The following PKNOX2 variants were observed in gnomAD, a reference collection of about 807,000 sequenced individuals.
The protein encoded by PKNOX2 is homeobox protein PKNOX2.
In PKNOX2, 14 loss-of-function variants were observed where a neutral mutation model predicts 53.1. That is an observed-to-expected ratio of 0.26 (90% CI 0.17 to 0.41). The LOEUF is 0.41. Among genes scored for constraint, PKNOX2 ranks in the 10% least tolerant of loss-of-function variants. PKNOX2 has a pLI of 1.00. For synonymous variants in PKNOX2, 257 were observed against 242.8 expected, an observed-to-expected ratio of 1.06 and a Z score of -0.54; for missense variants, 496 against 602.8, an observed-to-expected ratio of 0.82 and a Z score of 1.85.
intron 3 of PKNOX2, among the ~76,000 whole-genome samples, chr11:125,335,177 A>G (rs768745149): frequency 1.9e-4 from 29 of 152,106 alleles, no homozygotes; most frequent in Non-Finnish European, 4.0e-4. Flanking sequence ...GCCTCCCCTC[A>G]AAGTCAAGCC....
chr11:125,390,413 A>G (rs1227102920), intron 6 of PKNOX2, among the ~76,000 whole-genome samples: 3 of 152,324 alleles, frequency 2.0e-5, no homozygotes, highest in Admixed American at 6.5e-5. Context: ...TCTCTGGGCC[A>G]GGTCTTGTTT....
Position 125,343,191 on chromosome 11 carries a change from G to A in PKNOX2, c.-22-8093G>A, listed in dbSNP as rs897479842. On this transcript the variant is annotated intron_variant, in intron 3 of 12. Coordinates refer to ENST00000298282, the MANE Select transcript of PKNOX2 (RefSeq NM_001382323.2). ...TAAGTTGAACATCACTGGCAAAAGCGGGACCCAGGTGTGGTGAGTGTGAGT... is the reference window on the plus strand; with the variant it reads ...TAAGTTGAACATCACTGGCAAAAGCAGGACCCAGGTGTGGTGAGTGTGAGT... Among the ~76,000 whole-genome samples the A allele has an allele frequency of 9.2e-5, 14 of 152,150 alleles. No homozygotes were observed. The South Asian group carries it at 1.0e-3, about 11-fold the overall frequency.
chr11:125,413,558 T>C (rs1955692006), intron 10 of PKNOX2, among the ~76,000 whole-genome samples: 1 of 152,166 alleles, frequency 6.6e-6, no homozygotes, highest in Admixed American at 6.5e-5. Context: ...CTGCGCTCAT[T>C]GTGGTGGGTG....
chr11:125,318,332 G>C (rs1458963743), intron 2 of PKNOX2, among the ~76,000 whole-genome samples: 1 of 150,134 alleles, frequency 6.7e-6, no homozygotes, highest in Non-Finnish European at 1.5e-5. Context: ...TGTTGCCCAG[G>C]TTGGTCTCAA....
At chr11:125,222,605 C>CTGTGTGTGTGTG (rs1010713566) in intron 1 of PKNOX2, among the ~76,000 whole-genome samples, 21 of 140,676 alleles carry the variant, frequency 1.5e-4, no homozygotes, top group African/African-American at 5.2e-4. Flanking sequence ...GTGTGTGTGT[C>CTGTGTGTGTGTG]TGTGTGTATG....
At chr11:125,309,898 A>C (rs1193955197) in intron 2 of PKNOX2, among the ~76,000 whole-genome samples, 1 of 152,236 alleles carries the variant, frequency 6.6e-6, no homozygotes, top group East Asian at 1.9e-4. Context: ...TGGTTACTTC[A>C]GCATGAAACA....
At chr11:125,271,900 C>T (rs972217764) in intron 2 of PKNOX2, among the ~76,000 whole-genome samples, 1 of 152,190 alleles carries the variant, frequency 6.6e-6, no homozygotes, top group Non-Finnish European at 1.5e-5. Flanking sequence ...TGCCCACCCC[C>T]GTGACAGATG....
intron 4 of PKNOX2, among the ~76,000 whole-genome samples, chr11:125,364,243 C>T (rs771045638): frequency 6.6e-6 from 1 of 152,222 alleles, no homozygotes; most frequent in Non-Finnish European, 1.5e-5. Context: ...GGGATAAACA[C>T]TCATTCGTCA....
At chr11:125,185,558 A>G (rs1283247404) in intron 1 of PKNOX2, among the ~76,000 whole-genome samples, 3 of 151,900 alleles carry the variant, frequency 2.0e-5, no homozygotes, top group Non-Finnish European at 4.4e-5. Context: ...TTCTATCTCT[A>G]TGAATTTGAC....
chr11:125,207,831 C>T (rs1359963602), intron 1 of PKNOX2, among the ~76,000 whole-genome samples: 1 of 151,986 alleles, frequency 6.6e-6, no homozygotes, highest in African/African-American at 2.4e-5. Context: ...GAGGAGGAGG[C>T]CTCTGGTTGT....
intron 2 of PKNOX2, among the ~76,000 whole-genome samples, chr11:125,296,420 C>T (rs545785147): frequency 1.2e-4 from 18 of 152,212 alleles, no homozygotes; most frequent in African/African-American, 3.9e-4. Flanking sequence ...CACATGATCC[C>T]GCCTGGGACA....
chr11:125,277,084 G>C (rs1420347542), intron 2 of PKNOX2, among the ~76,000 whole-genome samples: 2 of 152,206 alleles, frequency 1.3e-5, no homozygotes. Context: ...AGAATTGCTA[G>C]AGTAAGTAGG....
intron 5 of PKNOX2, among the ~76,000 whole-genome samples, chr11:125,372,653 C>G (rs1264185021): frequency 1.3e-5 from 2 of 152,242 alleles, no homozygotes; most frequent in Non-Finnish European, 2.9e-5. Context: ...CCAAACTTCT[C>G]CATCTTTTCC....
chr11:125,217,937 C>A (rs1217189221), intron 1 of PKNOX2, among the ~76,000 whole-genome samples: 1 of 152,196 alleles, frequency 6.6e-6, no homozygotes, highest in African/African-American at 2.4e-5. Context: ...CTAACCTCAA[C>A]TTTCTGTTGC....
In PKNOX2 at chr11:125,398,013, TA is replaced by T. The variant is rs1565515969; in HGVS notation, c.540del (p.Tyr184ThrfsTer47). The T allele has an allele frequency of 6.2e-7, 1 of 1,613,938 alleles. No homozygotes were observed. Among genetic ancestry groups the T allele is most frequent in the Non-Finnish European group, 8.5e-7 (1 of 1,179,872 alleles). On this transcript the variant is annotated frameshift_variant, in exon 7 of 13. Transcript: ENST00000298282. LOFTEE classifies it high-confidence loss of function. ...AGCGACAACCTGCTCAGGAATGATC[TA>T]GGGGGGCCCTACTCCCCCAACCAGC... ...MHSDNLLRNDLGGPYSPNQPS... is the reference protein window; with the variant it reads ...MHSDNLLRNDXGGPYSPNQPS...
chr11:125,252,241 G>A (rs1009482328), intron 2 of PKNOX2, among the ~76,000 whole-genome samples: 2 of 152,222 alleles, frequency 1.3e-5, no homozygotes, highest in African/African-American at 2.4e-5. Context: ...GGCTGATGAG[G>A]TGAAATGCAA....
chr11:125,178,278 G>C (rs111741902), intron 1 of PKNOX2, among the ~76,000 whole-genome samples: 1 of 151,562 alleles, frequency 6.6e-6, no homozygotes, highest in South Asian at 2.1e-4. Flanking sequence ...TTGGGAAGCC[G>C]AGGTAGGCAG....
intron 4 of PKNOX2, among the ~76,000 whole-genome samples, chr11:125,357,336 C>T (rs77005820): frequency 3.3e-5 from 5 of 152,102 alleles, no homozygotes; most frequent in African/African-American, 9.7e-5. Context: ...AACCGTGGGG[C>T]CTTTATGCCC....
At chr11:125,209,538 T>C (rs1254299566) in intron 1 of PKNOX2, among the ~76,000 whole-genome samples, 1 of 151,658 alleles carries the variant, frequency 6.6e-6, no homozygotes, top group African/African-American at 2.4e-5. Flanking sequence ...GTTAAAGACA[T>C]AGCATGCTCA....
Sources: gnomAD v4.1 joint callset for allele counts (sites outside exome capture counted in the v4.1 genomes callset) on GRCh38, gnomAD v4.1.1 for gene constraint, MANE v1.5 for transcripts, NCBI Gene and HGNC (gene_info 2026-07-23, HGNC 2026-07-21) for gene names.